HIGD1A: variants seen among roughly 807,000 people sequenced by gnomAD.
HIGD1A encodes the protein HIG1 domain family member 1A, mitochondrial.
HIGD1A carries 8 observed loss-of-function variants against 11.3 expected under a neutral mutation model. The ratio of observed to expected loss-of-function variants is 0.71; its 90% confidence interval spans 0.42 to 1.28. The LOEUF (loss-of-function observed/expected upper bound fraction) is 1.28. Among genes scored for constraint, HIGD1A ranks in the 50% most tolerant of loss-of-function variants. The probability of loss-of-function intolerance (pLI) is 0.01; values close to 1 mark genes in which losing one functional copy is unlikely to be tolerated. For missense variants in HIGD1A, 107 were observed against 118.8 expected (o/e 0.90, Z 0.46); for synonymous variants, 32 against 38.4 (o/e 0.83, Z 0.62).
In HIGD1A at chr3:42,786,228, C is replaced by G; in HGVS notation, c.98-66G>C. The stretch of plus-strand genomic sequence containing the variant: ...GGACCAAGATGACTTTACCATCAGT[C>G]AATGTACATTCTATTATTTTTATGA... On this transcript the variant is annotated intron_variant, in intron 2 of 3. Transcript: ENST00000321331. 3 of 1,487,530 alleles carry G rather than the reference C, an allele frequency of 2.0e-6. No homozygotes were observed. In the South Asian group the frequency reaches 3.5e-5, roughly 17 times the overall value. The allele number at this position is 1,487,530 out of a possible 1,614,324, so 92.1% of individuals were successfully genotyped here. A position where few individuals can be genotyped will look rare whatever the true frequency, so the allele number is the denominator to read the frequency against.
chr3:42,787,870 TC>T (rs1359424816), intron 2 of HIGD1A, among the ~76,000 whole-genome samples: 1 of 151,674 alleles, frequency 6.6e-6, no homozygotes, highest in Non-Finnish European at 1.5e-5. Flanking sequence ...AAAACAGAGA[TC>T]CCACATTCTT....
At chr3:42,789,006 T>C (rs547719688) in intron 2 of HIGD1A, among the ~76,000 whole-genome samples, 1 of 151,314 alleles carries the variant, frequency 6.6e-6, no homozygotes, top group Non-Finnish European at 1.5e-5. Context: ...AATAATATTA[T>C]CAACCATGAT....
intron 2 of HIGD1A, among the ~76,000 whole-genome samples, chr3:42,792,543 G>A (rs868233515): frequency 1.3e-4 from 19 of 151,752 alleles, no homozygotes; most frequent in Admixed American, 2.0e-4. Context: ...GCGTGGTGGC[G>A]AGCACCTGTA....
chr3:42,802,250 T>C lies in HIGD1A; in HGVS notation c.-23+2186A>G, dbSNP rs149336683. Among the ~76,000 whole-genome samples the C allele has an allele frequency of 5.2e-4, 79 of 152,244 alleles. No individual in the cohort carries two copies. The East Asian group carries it at 0.013, about 25-fold the overall frequency. On this transcript the variant is annotated intron_variant, in intron 1 of 3. Coordinates refer to ENST00000321331, the MANE Select transcript of HIGD1A (RefSeq NM_014056.4). ...GAACAGAAGAAAACCTATTTCTCCGTTCTTCATCTATGATACAGACTCTGA... is the reference window on the plus strand; with the variant it reads ...GAACAGAAGAAAACCTATTTCTCCGCTCTTCATCTATGATACAGACTCTGA...
intron 2 of HIGD1A, 81 bp downstream of exon 2, chr3:42,794,076 A>G (rs1700462688): frequency 1.5e-5 from 21 of 1,371,910 alleles, no homozygotes; most frequent in Non-Finnish European, 2.1e-5. Context: ...TGGAAAATAC[A>G]TTCTTTCAGG....
At chr3:42,800,831 T>TAA (rs35928474) in intron 1 of HIGD1A, among the ~76,000 whole-genome samples, 98 of 144,740 alleles carry the variant, frequency 6.8e-4, no homozygotes, top group African/African-American at 2.3e-3. Flanking sequence ...CCCGGTCCTT[T>TAA]AAAAAAAAAA....
chr3:42,804,429 C>T lies in HIGD1A; in HGVS notation c.-23+7G>A. 1 of 490,748 alleles carries T rather than the reference C, an allele frequency of 2.0e-6. No individual in the cohort carries two copies. The highest frequency in any genetic ancestry group is 3.0e-5 in the South Asian group (1 of 33,154). The allele number at this position is 490,748 out of a possible 1,614,324, so 30.4% of individuals were successfully genotyped here. A position where few individuals can be genotyped will look rare whatever the true frequency, so the allele number is the denominator to read the frequency against. On this transcript the variant is annotated splice_region_variant and intron_variant, in intron 1 of 3. Transcript: ENST00000321331. ...TGGCTCGCAGTCCCCCGGCTTGTTTCGCTTACCTAGAGCGAGAAAACCTCT... is the reference window on the plus strand; with the variant it reads ...TGGCTCGCAGTCCCCCGGCTTGTTTTGCTTACCTAGAGCGAGAAAACCTCT...
In HIGD1A at chr3:42,804,457, C is replaced by CACCCCA. The variant is rs1256707927; in HGVS notation, c.-50_-45dup. 2 of 484,346 alleles carry CACCCCA rather than the reference C, an allele frequency of 4.1e-6. No homozygotes were observed. Among genetic ancestry groups the CACCCCA allele is most frequent in the Non-Finnish European group, 7.3e-6 (2 of 273,568 alleles). 30.0% of individuals were successfully genotyped at this position (484,346 alleles called of 1,614,324 possible). A position where few individuals can be genotyped will look rare whatever the true frequency, so the allele number is the denominator to read the frequency against. On this transcript the variant is annotated 5_prime_UTR_variant, in exon 1 of 4. Coordinates refer to ENST00000321331, the MANE Select transcript of HIGD1A (RefSeq NM_014056.4). ...TTACCTAGAGCGAGAAAACCTCTCA[C>CACCCCA]ACCCCAACCGGCTTCCGATCCCTGC...
chr3:42,790,405 C>T (rs1014822944), intron 2 of HIGD1A, among the ~76,000 whole-genome samples: 2 of 152,098 alleles, frequency 1.3e-5, no homozygotes, highest in African/African-American at 2.4e-5. Context: ...TGGTGGCAGG[C>T]GCCTGTAATA....
At chr3:42,787,591 A>AAAAAAAAAG (rs1379384622) in intron 2 of HIGD1A, among the ~76,000 whole-genome samples, 1 of 10,422 alleles carries the variant, frequency 9.6e-5, no homozygotes, top group East Asian at 2.6e-3. Context: ...ACTCCATCTC[A>AAAAAAAAAG]AAAATATATA....
Position 42,804,476 on chromosome 3 carries a change from T to A in HIGD1A, c.-63A>T, listed in dbSNP as rs1398358605. 2.2e-6 allele frequency: 1 copy of A among 460,066 alleles called. No homozygotes were observed. The highest frequency in any genetic ancestry group is 3.9e-6 in the Non-Finnish European group (1 of 259,074). The allele number at this position is 460,066 out of a possible 1,614,324, so 28.5% of individuals were successfully genotyped here. A position where few individuals can be genotyped will look rare whatever the true frequency, so the allele number is the denominator to read the frequency against. ...CTCTCACACCCCAACCGGCTTCCGATCCCTGCAGGCGCACCCAGTCCTCCC... is the reference window on the plus strand; with the variant it reads ...CTCTCACACCCCAACCGGCTTCCGAACCCTGCAGGCGCACCCAGTCCTCCC... On this transcript the variant is annotated 5_prime_UTR_variant, in exon 1 of 4. Transcript: ENST00000321331.
intron 2 of HIGD1A, among the ~76,000 whole-genome samples, chr3:42,789,998 A>C (rs1700402641): frequency 6.6e-6 from 1 of 152,198 alleles, no homozygotes. Flanking sequence ...CTGGGATTAC[A>C]GGAATGAGCC....
intron 2 of HIGD1A, among the ~76,000 whole-genome samples, chr3:42,787,590 C>CAAAAAAAAAAA (rs375399059): frequency 1.7e-5 from 2 of 115,948 alleles, no homozygotes; most frequent in African/African-American, 6.5e-5. Context: ...GACTCCATCT[C>CAAAAAAAAAAA]AAAAATATAT....
Position 42,783,544 on chromosome 3 carries a change from G to C in HIGD1A, c.*1727C>G, listed in dbSNP as rs1003162006. Among the ~76,000 whole-genome samples the C allele has an allele frequency of 2.0e-5, 3 of 152,104 alleles. No individual in the cohort carries two copies. The highest frequency in any genetic ancestry group is 7.2e-5 in the African/African-American group (3 of 41,404). ...GCATCAGAATCGCACGAAGCTAGGA[G>C]GTGGAGGGTGCCGTGAGCTCAGATC... On this transcript the variant is annotated 3_prime_UTR_variant, in exon 4 of 4. Transcript: ENST00000321331.
chr3:42,803,006 TTAA>T (rs1700587525), intron 1 of HIGD1A, among the ~76,000 whole-genome samples: 1 of 152,240 alleles, frequency 6.6e-6, no homozygotes, highest in Non-Finnish European at 1.5e-5. Context: ...CTTCAGTGAC[TTAA>T]CTCATCTAAC....
chr3:42,790,118 C>T (rs1175498912), intron 2 of HIGD1A, among the ~76,000 whole-genome samples: 1 of 152,074 alleles, frequency 6.6e-6, no homozygotes, highest in Non-Finnish European at 1.5e-5. Flanking sequence ...GCTGTTGTTG[C>T]CTGGATATCC....
At chr3:42,787,851 T>A (rs1009339618) in intron 2 of HIGD1A, among the ~76,000 whole-genome samples, 4 of 151,512 alleles carry the variant, frequency 2.6e-5, no homozygotes, top group Admixed American at 1.3e-4. Context: ...AAATTTAATA[T>A]TTTAATTTAA....
chr3:42,785,991 G>A (rs376791203), intron 3 of HIGD1A, 37 bp downstream of exon 3: 114 of 1,608,088 alleles, frequency 7.1e-5, no homozygotes, highest in Middle Eastern at 4.5e-4. Context: ...ATACCTTAAT[G>A]AGAAACGAAA....
At chr3:42,801,686 T>C (rs1277391067) in intron 1 of HIGD1A, among the ~76,000 whole-genome samples, 1 of 152,218 alleles carries the variant, frequency 6.6e-6, no homozygotes, top group Admixed American at 6.5e-5. Flanking sequence ...GTTTCTTATA[T>C]TGTACCTATG....
Sources: gnomAD v4.1 joint callset for allele counts (sites outside exome capture counted in the v4.1 genomes callset) on GRCh38, gnomAD v4.1.1 for gene constraint, MANE v1.5 for transcripts, NCBI Gene and HGNC (gene_info 2026-07-23, HGNC 2026-07-21) for gene names.